Variants in DYNLRB1 observed in about 807,000 individuals in gnomAD.
The protein encoded by DYNLRB1 is ROBL/LC7-like 1.
Under a neutral mutation model 13.5 loss-of-function variants are expected in DYNLRB1, and 6 were observed. That is an observed-to-expected ratio of 0.44 (90% CI 0.24 to 0.88). DYNLRB1 has a LOEUF of 0.88. Among genes scored for constraint, DYNLRB1 ranks in the 40% least tolerant of loss-of-function variants. The pLI, the probability that DYNLRB1 is intolerant of heterozygous loss-of-function variation, is 0.21. For synonymous variants in DYNLRB1, 43 were observed against 45.0 expected, an observed-to-expected ratio of 0.96 and a Z score of 0.18; for missense variants, 93 against 127.2, an observed-to-expected ratio of 0.73 and a Z score of 1.29.
upstream of DYNLRB1, among the ~76,000 whole-genome samples, chr20:34,515,818 T>C (rs543815033): frequency 3.0e-4 from 45 of 152,256 alleles, no homozygotes; most frequent in African/African-American, 1.1e-3. Flanking sequence ...TAGACCTCCA[T>C]TGAGAGCTGA....
chr20:34,536,517 C>T, intron 3 of DYNLRB1: 4 of 977,198 alleles, frequency 4.1e-6, no homozygotes, highest in Non-Finnish European at 4.9e-6. Flanking sequence ...GAGGCCAAGG[C>T]AGGCGGATCA....
intron 1 of DYNLRB1, among the ~76,000 whole-genome samples, chr20:34,517,318 T>C (rs1229198603): frequency 2.0e-5 from 3 of 152,224 alleles, no homozygotes; most frequent in Non-Finnish European, 2.9e-5. Context: ...ATATGACTTC[T>C]AGTCTTTTTT....
At chr20:34,520,980 G>A (rs1486095868) in intron 1 of DYNLRB1, among the ~76,000 whole-genome samples, 3 of 152,066 alleles carry the variant, frequency 2.0e-5, no homozygotes, top group Admixed American at 6.5e-5. Context: ...AACAATGCCA[G>A]CATTTAAAAA....
chr20:34,537,230 T>C lies in DYNLRB1; in HGVS notation c.247+2435T>C, dbSNP rs79285209. Among the ~76,000 whole-genome samples, 1,194 of 152,284 alleles carry C rather than the reference T, an allele frequency of 7.8e-3. 17 individuals carry two copies. Among genetic ancestry groups the C allele is most frequent in the African/African-American group, 0.027 (1,128 of 41,564 alleles). ...TCACACTGTCTCTCTCCCACACACA[T>C]GCGGCGCTGTGCTGGAGGACGGTGG... On this transcript the variant is annotated intron_variant, in intron 3 of 3. Coordinates refer to ENST00000357156, the MANE Select transcript of DYNLRB1 (RefSeq NM_014183.4).
chr20:34,520,265 A>C (rs1173679481), intron 1 of DYNLRB1, among the ~76,000 whole-genome samples: 1 of 152,208 alleles, frequency 6.6e-6, no homozygotes, highest in African/African-American at 2.4e-5. Context: ...AAGATAATGC[A>C]TGCTGAGTTT....
intron 2 of DYNLRB1, chr20:34,531,196 G>A (rs1402497451): frequency 1.3e-5 from 2 of 152,258 alleles, no homozygotes; most frequent in Non-Finnish European, 2.9e-5. Flanking sequence ...GTTGGTGTTT[G>A]ATTAAAGTAT....
intron 1 of DYNLRB1, among the ~76,000 whole-genome samples, chr20:34,525,433 C>T (rs942563539): frequency 1.3e-5 from 2 of 152,184 alleles, no homozygotes; most frequent in South Asian, 4.1e-4. Flanking sequence ...CCCAGAGAGG[C>T]ACACCCAGGG....
intron 3 of DYNLRB1, among the ~76,000 whole-genome samples, chr20:34,536,702 G>A (rs1182666202): frequency 6.8e-6 from 1 of 146,524 alleles, no homozygotes; most frequent in Non-Finnish European, 1.5e-5. Context: ...CTGAGATCGC[G>A]CCACTGCACT....
At chr20:34,534,413 C>T (rs776432742) in intron 2 of DYNLRB1, among the ~76,000 whole-genome samples, 3 of 152,160 alleles carry the variant, frequency 2.0e-5, no homozygotes, top group East Asian at 3.9e-4. Flanking sequence ...GCCTCATGGG[C>T]GAATGAGATG....
intron 3 of DYNLRB1, chr20:34,535,883 C>T: frequency 2.0e-6 from 2 of 985,220 alleles, no homozygotes; most frequent in Non-Finnish European, 2.4e-6. Context: ...AGTGGGGGGT[C>T]TGGGGACACT....
intron 2 of DYNLRB1, among the ~76,000 whole-genome samples, chr20:34,528,835 G>A (rs1198255922): frequency 6.6e-6 from 1 of 152,086 alleles, no homozygotes; most frequent in African/African-American, 2.4e-5. Flanking sequence ...TTAGGCAGGT[G>A]TGGTGGCACA....
intron 2 of DYNLRB1, among the ~76,000 whole-genome samples, chr20:34,531,616 T>G (rs538167240): frequency 6.6e-6 from 1 of 152,354 alleles, no homozygotes; most frequent in East Asian, 1.9e-4. Context: ...TCCAAACTAG[T>G]AAAAGTAGAC....
intron 1 of DYNLRB1, among the ~76,000 whole-genome samples, chr20:34,520,211 T>C (rs1044170858): frequency 2.5e-4 from 38 of 152,218 alleles, no homozygotes; most frequent in Admixed American, 2.3e-3. Flanking sequence ...ATTTTCATCT[T>C]TGTATGTTCT....
rs755367662 is a variant in DYNLRB1 at position 34,524,732 on chromosome 20, G to GT, written c.4-1524dup. Among the ~76,000 whole-genome samples, 777 of 138,150 alleles carry GT rather than the reference G, an allele frequency of 5.6e-3. 1 individual carries two copies. The highest frequency in any genetic ancestry group is 0.017 in the East Asian group (81 of 4,764). The allele number at this position is 138,150 out of a possible 152,430, so 90.6% of individuals were successfully genotyped here. On this transcript the variant is annotated intron_variant, in intron 1 of 3. Transcript: ENST00000357156. ...AAGTCCATTTTCCACTTTTTTTTTT[G>GT]TTTTTTTTTTTTGGAAATGGAGTCC...
chr20:34,540,763 G>A lies in DYNLRB1; in HGVS notation c.*139G>A, dbSNP rs767832493. 3.7e-5 allele frequency: 31 copies of A among 843,310 alleles called. No individual in the cohort carries two copies. Among genetic ancestry groups the A allele is most frequent in the African/African-American group, 5.2e-5 (3 of 57,248 alleles). The allele number at this position is 843,310 out of a possible 1,614,324, so 52.2% of individuals were successfully genotyped here. A position where few individuals can be genotyped will look rare whatever the true frequency, so the allele number is the denominator to read the frequency against. ...ATCCAGTGACCGTGTGTGGGCTGGC[G>A]GCTCTTCTCCCCCACCAACGGAACC... On this transcript the variant is annotated 3_prime_UTR_variant, in exon 4 of 4. Coordinates refer to ENST00000357156, the MANE Select transcript of DYNLRB1 (RefSeq NM_014183.4).
In DYNLRB1 at chr20:34,526,338, C is replaced by A; in HGVS notation, c.74C>A (p.Thr25Lys). Residue 25 changes from threonine (T) to lysine (K), a missense_variant, in exon 2 of 4, where the codon ACA becomes AAA. By Grantham distance (78) the Thr-to-Lys change is moderately conservative. Transcript: ENST00000357156. ...GTGCAGGGAATCATCGTCGTGAACA[C>A]AGAAGGTACGCCCTCCCTCCCGCCA... ...KGVQGIIVVNTEGIPIKSTMD... is the reference protein window; with the variant it reads ...KGVQGIIVVNKEGIPIKSTMD... 1 of 1,614,052 alleles carries A rather than the reference C, an allele frequency of 6.2e-7. No individual in the cohort carries two copies. Among genetic ancestry groups the A allele is most frequent in the Non-Finnish European group, 8.5e-7 (1 of 1,180,006 alleles).
Position 34,540,618 on chromosome 20 carries a change from C to T in DYNLRB1, c.285C>T (p.Thr95=), listed in dbSNP as rs144237175. The change falls in exon 4 of 4, where the codon ACC becomes ACT. Residue 95 remains threonine, a synonymous_variant. Transcript: ENST00000357156. ...DYFLIVIQNP[T]E ...TCCTGATTGTGATTCAGAATCCAAC[C>T]GAATAAGCCACTCTCTTGGCTCCCT... The T allele has an allele frequency of 3.6e-4, 588 of 1,613,828 alleles. 1 individual carries two copies. The African/African-American group carries it at 7.1e-3, about 20-fold the overall frequency.
upstream of DYNLRB1, among the ~76,000 whole-genome samples, chr20:34,515,710 T>C (rs1176734746): frequency 6.6e-6 from 1 of 152,146 alleles, no homozygotes; most frequent in African/African-American, 2.4e-5. Context: ...CCTGGGCCTC[T>C]CTCTGGCTCA....
intron 1 of DYNLRB1, among the ~76,000 whole-genome samples, chr20:34,523,553 G>A (rs1332764844): frequency 6.6e-6 from 1 of 151,974 alleles, no homozygotes. Context: ...CTTGCTCTTG[G>A]TGCTGTCTGG....
Sources: allele counts gnomAD v4.1 joint callset (sites outside exome capture counted in the v4.1 genomes callset), GRCh38; gene constraint gnomAD v4.1.1; transcripts MANE v1.5; gene names NCBI Gene and HGNC (gene_info 2026-07-23, HGNC 2026-07-21).